Variants in MAN2B2 observed in about 807,000 individuals in gnomAD.
The protein encoded by MAN2B2 is epididymis-specific alpha-mannosidase.
MAN2B2 carries 106 observed loss-of-function variants against 117.1 expected under a neutral mutation model. That is an observed-to-expected ratio of 0.90 (90% CI 0.77 to 1.06). The LOEUF (loss-of-function observed/expected upper bound fraction) is 1.06. Ranked by LOEUF, MAN2B2 falls within the 50% of genes least tolerant of loss-of-function variation. The pLI, the probability that MAN2B2 is intolerant of heterozygous loss-of-function variation, is 0.00. For synonymous variants in MAN2B2, 544 were observed against 595.1 expected, an observed-to-expected ratio of 0.91 and a Z score of 1.25; for missense variants, 1,326 against 1,381.4, an observed-to-expected ratio of 0.96 and a Z score of 0.64.
intron 11 of MAN2B2, among the ~76,000 whole-genome samples, chr4:6,606,105 G>A (rs778577982): frequency 2.6e-5 from 4 of 152,182 alleles, no homozygotes; most frequent in Non-Finnish European, 5.9e-5. Flanking sequence ...CCTTCTAATG[G>A]AGAGGGGTAC....
chr4:6,586,884 C>T (rs1035509418), intron 3 of MAN2B2, 112 bp from the exon 4 acceptor site: 3 of 905,766 alleles, frequency 3.3e-6, no homozygotes, highest in Non-Finnish European at 5.1e-6. Flanking sequence ...CTGCCTGGCC[C>T]AGTAGCTGGC....
At chr4:6,610,180 G>A (rs988923037) in intron 13 of MAN2B2, 130 bp downstream of exon 13, 24 of 1,309,688 alleles carry the variant, frequency 1.8e-5, no homozygotes, top group Non-Finnish European at 2.5e-5. Flanking sequence ...TTTTTAAGAT[G>A]GAGTCTCACT....
In MAN2B2 at chr4:6,593,771, G is replaced by C. The variant is rs1726956964; in HGVS notation, c.858+421G>C. 2.0e-5 allele frequency among the ~76,000 whole-genome samples: 3 copies of C among 152,374 alleles called. No homozygotes were observed. The Middle Eastern group carries it at 0.01, about 518-fold the overall frequency. Reference sequence around the variant, plus strand: ...TGGCCATCGTCACAGCTAACCTTTAGTGAGCACCTGCTGTGTGCTGGGCAC... The same window carrying C: ...TGGCCATCGTCACAGCTAACCTTTACTGAGCACCTGCTGTGTGCTGGGCAC... On this transcript the variant is annotated intron_variant, in intron 6 of 18. Coordinates refer to ENST00000285599, the MANE Select transcript of MAN2B2 (RefSeq NM_015274.3).
At chr4:6,596,984 C>G (rs1011620381) in intron 7 of MAN2B2, 129 bp from the exon 8 acceptor site, 1 of 883,018 alleles carries the variant, frequency 1.1e-6, no homozygotes, top group African/African-American at 1.7e-5. Flanking sequence ...GCCTGCCCGG[C>G]CTGCCTCCTT....
chr4:6,597,545 A>T (rs1370688796), intron 8 of MAN2B2, among the ~76,000 whole-genome samples: 3 of 152,224 alleles, frequency 2.0e-5, no homozygotes, highest in Non-Finnish European at 4.4e-5. Flanking sequence ...AGCAAAAGGG[A>T]TAAAGGACAA....
intron 9 of MAN2B2, 105 bp from the exon 10 acceptor site, chr4:6,600,518 C>T: frequency 1.5e-6 from 2 of 1,358,118 alleles, no homozygotes; most frequent in Non-Finnish European, 2.1e-6. Flanking sequence ...TGGAGGGCTG[C>T]ATCTCACCTA....
chr4:6,601,518 A>G (rs1344593614), intron 10 of MAN2B2, among the ~76,000 whole-genome samples: 2 of 149,524 alleles, frequency 1.3e-5, no homozygotes, highest in African/African-American at 5.0e-5. Context: ...AAAAAAAAAG[A>G]AAGGGTACAA....
chr4:6,576,696 G>C lies in MAN2B2; in HGVS notation c.257G>C (p.Gly86Ala). The change falls in exon 2 of 19, where the codon GGC (glycine) becomes GCC (alanine). Residue 86 changes from glycine to alanine, a missense_variant. Coordinates refer to ENST00000285599, the MANE Select transcript of MAN2B2 (RefSeq NM_015274.3). Reference protein sequence around the residue: ...EQEFFRLWWDGVASDQQKYQV... With the variant: ...EQEFFRLWWDAVASDQQKYQV... ...GAGTTTTTCCGGCTGTGGTGGGATG[G>C]CGTCGCCTCGGACCAGCAGAAATAC... is the stretch of plus-strand genomic sequence containing the variant. 6.2e-7 allele frequency: 1 copy of C among 1,613,958 alleles called. No homozygotes were observed. Among genetic ancestry groups the C allele is most frequent in the Non-Finnish European group, 8.5e-7 (1 of 1,179,986 alleles).
intron 8 of MAN2B2, among the ~76,000 whole-genome samples, chr4:6,597,870 G>T (rs1399826349): frequency 4.6e-5 from 7 of 152,246 alleles, no homozygotes; most frequent in African/African-American, 1.7e-4. Context: ...GGTCACACCA[G>T]CCATGACACT....
intron 4 of MAN2B2, among the ~76,000 whole-genome samples, chr4:6,587,524 G>A (rs1291578314): frequency 1.3e-5 from 2 of 152,156 alleles, no homozygotes; most frequent in Admixed American, 6.5e-5. Flanking sequence ...TAGAGGAATG[G>A]CAGGGTGTGT....
rs766642986 is a variant in MAN2B2 at position 6,614,299 on chromosome 4, TC to T, written c.2648del (p.Pro883LeufsTer51). On this transcript the variant is annotated frameshift_variant, in exon 16 of 19. Transcript: ENST00000285599. LOFTEE classifies it high-confidence loss of function. The part of the protein sequence containing the change: ...PPNLHLQILS[I>X]PGWRYSSNHT... The stretch of plus-strand genomic sequence containing the variant: ...AATCTTCACCTGCAGATCCTGAGCA[TC>T]CCTGGCTGGCGCTACAGCTCCAACC... 5.0e-6 allele frequency: 8 copies of T among 1,614,008 alleles called. No individual in the cohort carries two copies. The highest frequency in any genetic ancestry group is 5.9e-6 in the Non-Finnish European group (7 of 1,180,020).
Position 6,621,710 on chromosome 4 carries a change from A to C in MAN2B2, c.*425A>C, listed in dbSNP as rs888609531. 6.4e-6 allele frequency: 1 copy of C among 157,458 alleles called. No individual in the cohort carries two copies. The highest frequency in any genetic ancestry group is 1.4e-5 in the Non-Finnish European group (1 of 71,468). 9.8% of individuals were successfully genotyped at this position (157,458 alleles called of 1,614,324 possible). ...GACCTACTGCGTGCCACGTGTTTTC[A>C]TAGACTCATCCCATGCTGGCAACAG... On this transcript the variant is annotated 3_prime_UTR_variant, in exon 19 of 19. Coordinates refer to ENST00000285599, the MANE Select transcript of MAN2B2 (RefSeq NM_015274.3).
rs746731421 is a variant in MAN2B2 at position 6,593,315 on chromosome 4, G to A, written c.823G>A (p.Ala275Thr). The A allele has an allele frequency of 1.1e-5, 18 of 1,613,372 alleles. No individual in the cohort carries two copies. The highest frequency in any genetic ancestry group is 9.3e-5 in the African/African-American group (7 of 74,904). The change falls in exon 6 of 19, where the codon GCC becomes ACC. Residue 275 changes from alanine (A) to threonine (T), a missense_variant. Coordinates refer to ENST00000285599, the MANE Select transcript of MAN2B2 (RefSeq NM_015274.3). Reference protein sequence around the residue: ...ALVANVKQRAAWFRTPHVLWP... With the variant: ...ALVANVKQRATWFRTPHVLWP... Reference sequence around the variant, plus strand: ...GGTGGCCAACGTGAAGCAGAGGGCCGCCTGGTTCCGGACACCGCACGTCCT... The same window carrying A: ...GGTGGCCAACGTGAAGCAGAGGGCCACCTGGTTCCGGACACCGCACGTCCT...
At chr4:6,615,358 C>A (rs1711813114) in intron 16 of MAN2B2, among the ~76,000 whole-genome samples, 2 of 152,190 alleles carry the variant, frequency 1.3e-5, no homozygotes, top group South Asian at 2.1e-4. Context: ...CACAGGAGGC[C>A]TTCCCTGACT....
At chr4:6,609,551 T>G in intron 12 of MAN2B2, 1 of 626,060 alleles carries the variant, frequency 1.6e-6, no homozygotes, top group South Asian at 2.0e-5. Flanking sequence ...ACAGAGCACC[T>G]GTTCTTCCAT....
chr4:6,617,311 G>A (rs1711928952), intron 16 of MAN2B2, 69 bp from the exon 17 acceptor site: 1 of 1,188,010 alleles, frequency 8.4e-7, no homozygotes, highest in Non-Finnish European at 1.2e-6. Context: ...TAAAGCAGCG[G>A]GTATAGACCA....
intron 3 of MAN2B2, among the ~76,000 whole-genome samples, chr4:6,581,235 G>T (rs1726416349): frequency 6.6e-6 from 1 of 152,122 alleles, no homozygotes; most frequent in South Asian, 2.1e-4. Flanking sequence ...AGTCAGGAAG[G>T]TTACTTGTGG....
chr4:6,605,038 T>C lies in MAN2B2; in HGVS notation c.1540-17T>C, dbSNP rs201873492. ...GAGAGCTGACAGTTAACAAGTCTCA[T>C]CCTGCTGGCCTTGCAGATCCAGAAC... On this transcript the variant is annotated splice_polypyrimidine_tract_variant and intron_variant, in intron 10 of 18. Transcript: ENST00000285599. The C allele has an allele frequency of 1.2e-6, 2 of 1,603,628 alleles. No individual in the cohort carries two copies. The highest frequency in any genetic ancestry group is 1.7e-6 in the Non-Finnish European group (2 of 1,172,330).
chr4:6,579,246 T>TTCACCACCATCACCACCACCACCA (rs1726282226), intron 3 of MAN2B2, among the ~76,000 whole-genome samples: 1 of 2,648 alleles, frequency 3.8e-4, no homozygotes, highest in Non-Finnish European at 8.8e-4. Context: ...ACCACCACCC[T>TTCACCACCATCACCACCACCACCA]TCACCACCAT....
Sources: gnomAD v4.1 joint callset for allele counts (sites outside exome capture counted in the v4.1 genomes callset) on GRCh38, gnomAD v4.1.1 for gene constraint, MANE v1.5 for transcripts, NCBI Gene and HGNC (gene_info 2026-07-23, HGNC 2026-07-21) for gene names.